The following ASIC2 variants were observed in gnomAD, a reference collection of about 807,000 sequenced individuals.
ASIC2 encodes the protein acid-sensing ion channel 2.
Under a neutral mutation model 57.3 loss-of-function variants are expected in ASIC2, and 25 were observed. That is an observed-to-expected ratio of 0.44 (90% CI 0.32 to 0.61). The LOEUF (loss-of-function observed/expected upper bound fraction) is 0.61, where lower values mean the gene tolerates loss of function less well. ASIC2 is among the 20% of genes least tolerant of loss of function. ASIC2 has a pLI of 0.06. For missense variants in ASIC2, 641 were observed against 738.1 expected, an observed-to-expected ratio of 0.87 and a Z score of 1.52; for synonymous variants, 319 against 307.5, an observed-to-expected ratio of 1.04 and a Z score of -0.39.
intron 1 of ASIC2, among the ~76,000 whole-genome samples, chr17:33,272,641 CATCACCAACATTGTCATCACT>C (rs1361241346): frequency 2.0e-5 from 3 of 152,144 alleles, no homozygotes; most frequent in Non-Finnish European, 2.9e-5. Context: ...GCATCATCAC[CATCACCAACATTGTCATCACT>C]ATCACCAACA....
intron 1 of ASIC2, among the ~76,000 whole-genome samples, chr17:33,648,255 G>A (rs1295755233): frequency 6.6e-6 from 1 of 152,172 alleles, no homozygotes; most frequent in African/African-American, 2.4e-5. Context: ...TCTGGAAGGT[G>A]TGGGATGTTA....
intron 1 of ASIC2, among the ~76,000 whole-genome samples, chr17:34,043,555 T>TCCAGGA (rs1272416403): frequency 1.3e-5 from 2 of 152,194 alleles, no homozygotes; most frequent in African/African-American, 4.8e-5. Context: ...GTTTAGTGCT[T>TCCAGGA]TAGAATTTAT....
At chr17:34,119,880 G>A (rs183058776) in intron 1 of ASIC2, among the ~76,000 whole-genome samples, 3 of 152,244 alleles carry the variant, frequency 2.0e-5, no homozygotes, top group East Asian at 1.9e-4. Flanking sequence ...GAGCACTAAC[G>A]TATATTATCC....
rs528156955 is a variant in ASIC2 at position 33,630,427 on chromosome 17, C to G, written c.556-518360G>C. Among the ~76,000 whole-genome samples the G allele has an allele frequency of 9.2e-5, 14 of 152,276 alleles. No homozygotes were observed. The East Asian group carries it at 2.7e-3, about 29-fold the overall frequency. On this transcript the variant is annotated intron_variant, in intron 1 of 9. Coordinates refer to the ASIC2 transcript ENST00000359872. The stretch of plus-strand genomic sequence containing the variant: ...CAACTCCATAAAGCCTTTCCTGCCC[C>G]TTTCCTGCCCCCTTTCCCTGTCCTC...
intron 3 of ASIC2, among the ~76,000 whole-genome samples, chr17:33,037,120 G>T (rs1212457896): frequency 7.7e-6 from 1 of 129,942 alleles, no homozygotes; most frequent in African/African-American, 3.0e-5. Context: ...AAATTAGCCA[G>T]GTGTGGTAGC....
At chr17:33,603,209 G>C (rs991546116) in intron 1 of ASIC2, among the ~76,000 whole-genome samples, 2 of 152,250 alleles carry the variant, frequency 1.3e-5, no homozygotes, top group Non-Finnish European at 1.5e-5. Flanking sequence ...CGTTTAGTGT[G>C]CACCAGGGGT....
At chr17:33,155,197 T>C (rs537690630) in intron 1 of ASIC2, among the ~76,000 whole-genome samples, 8 of 152,366 alleles carry the variant, frequency 5.3e-5, no homozygotes, top group African/African-American at 9.6e-5. Flanking sequence ...ACACCTGGCA[T>C]TGGCTGGGTG....
chr17:33,778,712 G>C (rs1463498883), intron 1 of ASIC2, among the ~76,000 whole-genome samples: 1 of 152,128 alleles, frequency 6.6e-6, no homozygotes, highest in Admixed American at 6.5e-5. Flanking sequence ...ACCTCTCTGA[G>C]CCTCGACGTC....
chr17:33,841,780 C>T (rs577329047), intron 1 of ASIC2, among the ~76,000 whole-genome samples: 3 of 152,144 alleles, frequency 2.0e-5, no homozygotes, highest in African/African-American at 7.2e-5. Context: ...GCTCTTGTGT[C>T]AAATCCCTAT....
chr17:33,218,087 C>T (rs117932121), intron 1 of ASIC2, among the ~76,000 whole-genome samples: 97 of 152,340 alleles, frequency 6.4e-4, no homozygotes, highest in Non-Finnish European at 1.1e-3. Flanking sequence ...TTCTTTGCTA[C>T]GTAATGCAAT....
chr17:34,047,521 A>G (rs1277253268), intron 1 of ASIC2, among the ~76,000 whole-genome samples: 2 of 151,030 alleles, frequency 1.3e-5, no homozygotes, highest in Non-Finnish European at 3.0e-5. Context: ...AAAAAAAAAA[A>G]AAAAAAAAAA....
chr17:33,414,306 C>T (rs1025648398), intron 1 of ASIC2, among the ~76,000 whole-genome samples: 2 of 152,054 alleles, frequency 1.3e-5, no homozygotes, highest in Admixed American at 1.3e-4. Context: ...TGCAGAGAGA[C>T]TCCAGTAGGT....
rs143351943 is a variant in ASIC2 at position 33,150,624 on chromosome 17, G to A, written c.709-38557C>T. Among the ~76,000 whole-genome samples, 146 of 151,812 alleles carry A rather than the reference G, an allele frequency of 9.6e-4. 1 individual carries two copies. Among genetic ancestry groups the A allele is most frequent in the African/African-American group, 3.5e-3 (143 of 41,388 alleles). Reference sequence around the variant, plus strand: ...CAGCACTTTGGGAGGCTGAGGGGGTGGATCACTTGAGGTCAGGAGTTTGAG... The same window carrying A: ...CAGCACTTTGGGAGGCTGAGGGGGTAGATCACTTGAGGTCAGGAGTTTGAG... On this transcript the variant is annotated intron_variant, in intron 1 of 9. Coordinates refer to ENST00000225823, the MANE Select transcript of ASIC2 (RefSeq NM_183377.2).
At chr17:33,723,324 T>C (rs1210440520) in intron 1 of ASIC2, among the ~76,000 whole-genome samples, 1 of 152,148 alleles carries the variant, frequency 6.6e-6, no homozygotes, top group East Asian at 1.9e-4. Context: ...CTTTTTAAAA[T>C]ATTATATTAT....
intron 1 of ASIC2, among the ~76,000 whole-genome samples, chr17:33,387,195 T>C (rs751562230): frequency 2.6e-5 from 4 of 152,176 alleles, no homozygotes; most frequent in Admixed American, 1.3e-4. Flanking sequence ...GTCATTTACA[T>C]GCATTCTTTC....
At chr17:33,698,759 C>T (rs533646090) in intron 1 of ASIC2, among the ~76,000 whole-genome samples, 46 of 151,980 alleles carry the variant, frequency 3.0e-4, no homozygotes, top group African/African-American at 1.0e-3. Context: ...GGAAAGGGCA[C>T]GAGGCTGCGG....
upstream of ASIC2, among the ~76,000 whole-genome samples, chr17:33,294,951 G>A (rs924778204): frequency 1.3e-5 from 2 of 152,168 alleles, no homozygotes; most frequent in Non-Finnish European, 2.9e-5. Flanking sequence ...GGTCTCAAGG[G>A]TCCTGGAAAT....
chr17:33,673,053 A>T lies in ASIC2; in HGVS notation c.555+482925T>A, dbSNP rs1907686472. 2.6e-5 allele frequency among the ~76,000 whole-genome samples: 4 copies of T among 152,222 alleles called. No individual in the cohort carries two copies. In the South Asian group the frequency reaches 8.3e-4, roughly 32 times the overall value. ...GTGTAAAGCTTGGGATGGGGGACAT[A>T]AAGAAGAGAAGTTACTCCGTTTGAG... On this transcript the variant is annotated intron_variant, in intron 1 of 9. Transcript: ENST00000359872.
chr17:33,118,879 T>A (rs1010246684), intron 1 of ASIC2, among the ~76,000 whole-genome samples: 6 of 151,996 alleles, frequency 3.9e-5, no homozygotes, highest in African/African-American at 1.2e-4. Flanking sequence ...AAGAGTAAGA[T>A]TGGCAGCTGC....
Sources: allele counts gnomAD v4.1 joint callset (sites outside exome capture counted in the v4.1 genomes callset), GRCh38; gene constraint gnomAD v4.1.1; transcripts MANE v1.5; gene names NCBI Gene and HGNC (gene_info 2026-07-23, HGNC 2026-07-21).